FTO: variants seen among roughly 807,000 people sequenced by gnomAD.
FTO encodes FTO alpha-ketoglutarate dependent dioxygenase, also known as alpha-ketoglutarate-dependent dioxygenase FTO.
In FTO, 47 loss-of-function variants were observed where a neutral mutation model predicts 63.9. The observed-to-expected ratio is 0.74, with a 90% CI of 0.58 to 0.94. The LOEUF is 0.94. Ranked by LOEUF, FTO falls within the 40% of genes least tolerant of loss-of-function variation. FTO has a pLI of 0.00. For missense variants in FTO, 562 were observed against 618.1 expected (o/e 0.91, Z 0.96); for synonymous variants, 207 against 224.4 (o/e 0.92, Z 0.69).
At chr16:53,948,971 CGT>C (rs957870558) in intron 8 of FTO, among the ~76,000 whole-genome samples, 6 of 152,088 alleles carry the variant, frequency 3.9e-5, no homozygotes, top group African/African-American at 1.4e-4. Flanking sequence ...TATGTGTGTA[CGT>C]GTGTGTTGCC....
At chr16:54,061,605 T>TTG (rs78465059) in intron 8 of FTO, 23,951 of 149,470 alleles carry the variant, frequency 0.16, 2,018 homozygotes, top group Middle Eastern at 0.25. Flanking sequence ...GCATGTGTGT[T>TTG]TGTGTGTGTG....
intron 7 of FTO, among the ~76,000 whole-genome samples, chr16:53,930,605 AT>A (rs1567447887): frequency 6.6e-6 from 1 of 151,940 alleles, no homozygotes; most frequent in African/African-American, 2.4e-5. Flanking sequence ...TCATAGTATC[AT>A]TTTTTCTTTT....
intron 1 of FTO, among the ~76,000 whole-genome samples, chr16:53,793,366 T>C (rs2077979118): frequency 6.6e-6 from 1 of 152,212 alleles, no homozygotes; most frequent in Non-Finnish European, 1.5e-5. Context: ...TTGACGATTA[T>C]AGGTAAGAAG....
chr16:53,804,553 C>G (rs368817533), intron 1 of FTO, among the ~76,000 whole-genome samples: 2 of 150,884 alleles, frequency 1.3e-5, no homozygotes, highest in South Asian at 2.1e-4. Flanking sequence ...GGTTGAAATA[C>G]TTTTTTTCTT....
At chr16:53,911,214 G>A (rs1464265252) in intron 7 of FTO, 7 of 598,638 alleles carry the variant, frequency 1.2e-5, no homozygotes, top group African/African-American at 1.1e-4. Flanking sequence ...CATCTCCACA[G>A]AGACAGTGGC....
intron 1 of FTO, among the ~76,000 whole-genome samples, chr16:53,737,399 T>C (rs1203434258): frequency 6.6e-6 from 1 of 152,212 alleles, no homozygotes; most frequent in Non-Finnish European, 1.5e-5. Context: ...TAGCCTATTC[T>C]CTACTGCATC....
At chr16:53,840,832 AT>A (rs2079453264) in intron 3 of FTO, among the ~76,000 whole-genome samples, 2 of 152,042 alleles carry the variant, frequency 1.3e-5, no homozygotes, top group Non-Finnish European at 2.9e-5. Flanking sequence ...CTTCTTCCCT[AT>A]AGCCACTGTG....
At chr16:53,924,981 C>T (rs2082103169) in intron 7 of FTO, among the ~76,000 whole-genome samples, 1 of 151,486 alleles carries the variant, frequency 6.6e-6, no homozygotes, top group South Asian at 2.1e-4. Flanking sequence ...TGAAGGAAGA[C>T]CTGAGATCGA....
At chr16:53,839,691 G>A (rs1297996744) in intron 3 of FTO, among the ~76,000 whole-genome samples, 1 of 152,066 alleles carries the variant, frequency 6.6e-6, no homozygotes, top group Non-Finnish European at 1.5e-5. Context: ...CTGTCCACAC[G>A]CAGTGGCATT....
intron 8 of FTO, among the ~76,000 whole-genome samples, chr16:54,044,105 C>T (rs2144291867): frequency 1.9e-5 from 1 of 52,370 alleles, no homozygotes. Flanking sequence ...TCACACATAA[C>T]AATATTAACT....
At chr16:53,815,636 GTTTTTTTTTTTTT>G (rs556357629) in intron 2 of FTO, among the ~76,000 whole-genome samples, 29 of 98,160 alleles carry the variant, frequency 3.0e-4, no homozygotes, top group East Asian at 1.2e-3. Context: ...TGACTTTCTT[GTTTTTTTTTTTTT>G]TTTTTTTTTT....
At chr16:54,070,557 T>A (rs1477116582) in intron 8 of FTO, 1 of 152,152 alleles carries the variant, frequency 6.6e-6, no homozygotes, top group Non-Finnish European at 1.5e-5. Context: ...TATCGTCCAT[T>A]TTTTTAGAGT....
At chr16:53,843,225 G>C (rs1337993460) in intron 3 of FTO, among the ~76,000 whole-genome samples, 2 of 152,108 alleles carry the variant, frequency 1.3e-5, no homozygotes, top group Non-Finnish European at 2.9e-5. Flanking sequence ...CCTGAATGTA[G>C]GACTTTTAGT....
intron 8 of FTO, among the ~76,000 whole-genome samples, chr16:53,944,982 T>G (rs549958018): frequency 6.6e-6 from 1 of 152,280 alleles, no homozygotes; most frequent in South Asian, 2.1e-4. Context: ...TGCTCTGTGC[T>G]CAGCAGTGTC....
chr16:54,051,012 A>G (rs532641225), intron 8 of FTO, among the ~76,000 whole-genome samples: 3 of 152,316 alleles, frequency 2.0e-5, no homozygotes, highest in South Asian at 2.1e-4. Context: ...GACATCTTCA[A>G]TTTCCTGATT....
chr16:53,984,494 AT>A (rs1319995902), intron 8 of FTO, among the ~76,000 whole-genome samples: 15 of 151,528 alleles, frequency 9.9e-5, no homozygotes, highest in Admixed American at 2.6e-4. Flanking sequence ...ACTACTTTGT[AT>A]TTTTTTGCAG....
chr16:54,063,195 G>A (rs1599301164), intron 8 of FTO, among the ~76,000 whole-genome samples: 1 of 152,152 alleles, frequency 6.6e-6, no homozygotes, highest in Non-Finnish European at 1.5e-5. Context: ...GATACCAATA[G>A]GGGTCCCCAT....
At chr16:54,039,649 C>G (rs1446974912) in intron 8 of FTO, 1 of 152,210 alleles carries the variant, frequency 6.6e-6, no homozygotes, top group Non-Finnish European at 1.5e-5. Context: ...GGCCTATTCT[C>G]CACACTTGTT....
rs146513262 is a variant in FTO at position 53,749,343 on chromosome 16, TA to T, written c.45+45116del. Among the ~76,000 whole-genome samples the T allele has an allele frequency of 1.2e-4, 19 of 152,338 alleles. No individual in the cohort carries two copies. In the East Asian group the frequency reaches 3.1e-3, roughly 25 times the overall value. On this transcript the variant is annotated intron_variant, in intron 1 of 8. Transcript: ENST00000471389. ...TTGCCTGATTGCTCTGGCAATACTC[TA>T]ATACTATATTCCACTTCTGTACTGA...
Sources: allele counts gnomAD v4.1 joint callset (sites outside exome capture counted in the v4.1 genomes callset), GRCh38; gene constraint gnomAD v4.1.1; transcripts MANE v1.5; gene names NCBI Gene and HGNC (gene_info 2026-07-23, HGNC 2026-07-21).